Variants in CPQ observed in about 807,000 individuals in gnomAD.
CPQ encodes Ser-Met dipeptidase.
In CPQ, 37 loss-of-function variants were observed where a neutral mutation model predicts 45.7. That is an observed-to-expected ratio of 0.81 (90% confidence interval 0.62 to 1.07). The LOEUF (loss-of-function observed/expected upper bound fraction) is 1.07, where lower values mean the gene tolerates loss of function less well. Ranked by LOEUF, CPQ falls within the 50% of genes least tolerant of loss-of-function variation. The probability of loss-of-function intolerance (pLI) is 0.00; values close to 1 mark genes in which losing one functional copy is unlikely to be tolerated. For missense variants in CPQ, 537 were observed against 572.9 expected (o/e 0.94, Z 0.64); for synonymous variants, 186 against 205.8 (o/e 0.90, Z 0.82).
intron 3 of CPQ, among the ~76,000 whole-genome samples, chr8:96,840,537 A>G (rs1372404956): frequency 6.6e-6 from 1 of 152,182 alleles, no homozygotes; most frequent in East Asian, 1.9e-4. Context: ...GGGTCCAGCA[A>G]TCTGGTTTAA....
At chr8:96,975,857 G>T (rs780432683) in intron 5 of CPQ, among the ~76,000 whole-genome samples, 4 of 151,928 alleles carry the variant, frequency 2.6e-5, no homozygotes, top group African/African-American at 4.8e-5. Flanking sequence ...GGTAATAATA[G>T]CCATCTACAA....
Position 96,777,063 on chromosome 8 carries a change from G to GT in CPQ, c.-34-7792dup, listed in dbSNP as rs926322974. The stretch of plus-strand genomic sequence containing the variant: ...TATAATTGCTTGAGAGAGCAGTAGA[G>GT]TTTTTTTTTCAATTAGTTTATTAGT... On this transcript the variant is annotated intron_variant, in intron 1 of 7. Coordinates refer to ENST00000220763, the MANE Select transcript of CPQ (RefSeq NM_016134.4). 9.9e-5 allele frequency among the ~76,000 whole-genome samples: 15 copies of GT among 151,338 alleles called. 1 individual carries two copies. Among genetic ancestry groups the GT allele is most frequent in the South Asian group, 8.4e-4 (4 of 4,790 alleles).
chr8:96,699,423 G>A lies in CPQ; in HGVS notation c.-35+54021G>A, dbSNP rs537335670. Among the ~76,000 whole-genome samples, 16 of 152,086 alleles carry A rather than the reference G, an allele frequency of 1.1e-4. No homozygotes were observed. In the South Asian group the frequency reaches 2.1e-3, roughly 20 times the overall value. On this transcript the variant is annotated intron_variant, in intron 1 of 7. Transcript: ENST00000220763. ...CATGAATAAGACCTAGCATTTGATC[G>A]TACAACAGGGTGACTATAGTCAATA...
intron 5 of CPQ, among the ~76,000 whole-genome samples, chr8:96,972,059 A>AT (rs1813688627): frequency 6.6e-6 from 1 of 152,216 alleles, no homozygotes; most frequent in South Asian, 2.1e-4. Flanking sequence ...GCCAAAAAAA[A>AT]CTATGAGTCT....
chr8:96,798,927 T>A (rs1326086928), intron 2 of CPQ, among the ~76,000 whole-genome samples: 3 of 152,134 alleles, frequency 2.0e-5, no homozygotes, highest in Non-Finnish European at 4.4e-5. Context: ...GGGCCTGGTA[T>A]GTCATAGATA....
chr8:97,094,334 A>G (rs1811176929), intron 7 of CPQ, among the ~76,000 whole-genome samples: 1 of 152,198 alleles, frequency 6.6e-6, no homozygotes, highest in Non-Finnish European at 1.5e-5. Context: ...CAAATTGTTC[A>G]AACTCATAAT....
At chr8:96,790,254 G>T (rs1586401974) in intron 2 of CPQ, among the ~76,000 whole-genome samples, 1 of 152,138 alleles carries the variant, frequency 6.6e-6, no homozygotes, top group Non-Finnish European at 1.5e-5. Flanking sequence ...GCTAGATGCA[G>T]TGATAGTGGC....
At chr8:96,703,885 G>C (rs1404477611) in intron 1 of CPQ, among the ~76,000 whole-genome samples, 2 of 152,120 alleles carry the variant, frequency 1.3e-5, no homozygotes, top group Admixed American at 1.3e-4. Flanking sequence ...CCATGGAAGT[G>C]AAGTTTTGTT....
At chr8:96,720,700 G>T (rs1277994937) in intron 1 of CPQ, among the ~76,000 whole-genome samples, 2 of 150,680 alleles carry the variant, frequency 1.3e-5, no homozygotes, top group Non-Finnish European at 3.0e-5. Flanking sequence ...TCCCAGTTTT[G>T]CTCCCCCCTC....
chr8:96,748,357 C>A (rs987795563), intron 1 of CPQ, among the ~76,000 whole-genome samples: 1 of 151,986 alleles, frequency 6.6e-6, no homozygotes, highest in East Asian at 1.9e-4. Context: ...TTTTATCTCC[C>A]AAATTTTTAC....
At chr8:97,065,892 A>G (rs1810626765) in intron 6 of CPQ, 117 bp from the exon 7 acceptor site, 1 of 926,480 alleles carries the variant, frequency 1.1e-6, no homozygotes. Flanking sequence ...GCACAGCAAC[A>G]TGTGTTTTGG....
intron 4 of CPQ, among the ~76,000 whole-genome samples, chr8:96,883,408 A>G (rs1306600605): frequency 1.3e-5 from 2 of 152,236 alleles, no homozygotes; most frequent in African/African-American, 4.8e-5. Context: ...GGACAATTTC[A>G]GAGCAATCAT....
intron 2 of CPQ, among the ~76,000 whole-genome samples, chr8:96,818,182 C>T (rs1221729463): frequency 6.6e-6 from 1 of 151,810 alleles, no homozygotes; most frequent in East Asian, 2.0e-4. Flanking sequence ...GAGAGAGCAC[C>T]ATGTACTGCA....
chr8:96,760,877 G>T (rs556801295), intron 1 of CPQ: 1 of 152,254 alleles, frequency 6.6e-6, no homozygotes, highest in South Asian at 2.1e-4. Context: ...GGAAGTTGTG[G>T]TGTACCAGGA....
intron 1 of CPQ, among the ~76,000 whole-genome samples, chr8:96,697,067 G>A (rs945352704): frequency 1.4e-4 from 22 of 152,000 alleles, no homozygotes; most frequent in Non-Finnish European, 2.8e-4. Flanking sequence ...CACATTGAAA[G>A]ACAAAAACAA....
intron 1 of CPQ, among the ~76,000 whole-genome samples, chr8:96,716,575 C>T (rs759210610): frequency 1.2e-4 from 19 of 152,056 alleles, no homozygotes; most frequent in Admixed American, 7.2e-4. Context: ...TGAGAACGTA[C>T]GATGTTTGCT....
intron 4 of CPQ, among the ~76,000 whole-genome samples, chr8:96,931,776 A>G (rs1317919885): frequency 1.3e-5 from 2 of 152,188 alleles, no homozygotes; most frequent in Non-Finnish European, 2.9e-5. Flanking sequence ...CTATGAGAAT[A>G]ATTGCCCAAA....
intron 4 of CPQ, among the ~76,000 whole-genome samples, chr8:96,901,032 T>C (rs1812506638): frequency 1.3e-5 from 2 of 152,150 alleles, no homozygotes; most frequent in Admixed American, 1.3e-4. Context: ...GATATATTCC[T>C]TGAGCGCAGG....
intron 1 of CPQ, among the ~76,000 whole-genome samples, chr8:96,665,417 G>T (rs1186836837): frequency 6.6e-6 from 1 of 152,186 alleles, no homozygotes. Context: ...GAGATTTAAT[G>T]ACTGATTGAA....
Sources: gnomAD v4.1 joint callset for allele counts (sites outside exome capture counted in the v4.1 genomes callset) on GRCh38, gnomAD v4.1.1 for gene constraint, MANE v1.5 for transcripts, NCBI Gene and HGNC (gene_info 2026-07-23, HGNC 2026-07-21) for gene names.